KDM5D: variants seen among roughly 807,000 people sequenced by gnomAD.
KDM5D encodes lysine-specific demethylase 5D.
KDM5D carries 25 observed loss-of-function variants against 31.9 expected under a neutral mutation model. The observed-to-expected ratio is 0.78, with a 90% CI of 0.57 to 1.09. The LOEUF (loss-of-function observed/expected upper bound fraction) is 1.09. Among genes scored for constraint, KDM5D ranks in the 50% least tolerant of loss-of-function variants. KDM5D has a pLI of 0.00. For synonymous variants in KDM5D, 146 were observed against 122.3 expected, an observed-to-expected ratio of 1.19 and a Z score of -1.28; for missense variants, 366 against 341.6, an observed-to-expected ratio of 1.07 and a Z score of -0.56.
Position 19,705,076 on chromosome Y carries a change from A to G in KDM5D, c.*919T>C. The G allele has an allele frequency of 2.9e-5, 1 of 34,070 alleles. No homozygotes were observed. Among genetic ancestry groups the G allele is most frequent in the Non-Finnish European group, 7.3e-5 (1 of 13,693 alleles). The allele number at this position is 34,070 out of a possible 400,897, so 8.5% of individuals were successfully genotyped here. A position where few individuals can be genotyped will look rare whatever the true frequency, so the allele number is the denominator to read the frequency against. Reference sequence around the variant, plus strand: ...ATTATAAAGCGACTGTAACCAAGACATTGTGATCTGGCCACAGGGGACAGA... The same window carrying G: ...ATTATAAAGCGACTGTAACCAAGACGTTGTGATCTGGCCACAGGGGACAGA... On this transcript the variant is annotated 3_prime_UTR_variant, in exon 27 of 27. Transcript: ENST00000317961.
chrY:19,719,169 C>CA (rs2045375426), intron 13 of KDM5D, among the ~76,000 whole-genome samples: 162 of 19,207 alleles, frequency 8.4e-3, no homozygotes, highest in African/African-American at 0.028. Flanking sequence ...GACTCCGTCT[C>CA]AAAAAAAAAA....
intron 11 of KDM5D, chrY:19,723,349 C>T (rs2045408530): frequency 1.4e-5 from 1 of 71,789 alleles, no homozygotes; most frequent in African/African-American, 1.1e-4. Flanking sequence ...ACCTGTAATC[C>T]CAACACTTTG....
At chrY:19,708,474 C>A (rs1459644466) in intron 21 of KDM5D, 51 bp from the exon 22 acceptor site, 1 of 273,006 alleles carries the variant, frequency 3.7e-6, no homozygotes, top group Admixed American at 1.0e-4. Flanking sequence ...AATATTGTGT[C>A]TAAATTTGTC....
At position 19,744,716 on chromosome Y, in the gene KDM5D, G is replaced by C. The variant is rs1286309548; in HGVS notation, c.-65C>G. ...TTTACAGCCACCATCTTGACCTCCG[G>C]GCCCTGCAGTGTGGTACGAGCCGTC... On this transcript the variant is annotated 5_prime_UTR_variant, in exon 1 of 27. Transcript: ENST00000317961. 18 of 130,859 alleles carry C rather than the reference G, an allele frequency of 1.4e-4. No homozygotes were observed. The highest frequency in any genetic ancestry group is 2.2e-4 in the Non-Finnish European group (16 of 71,770). The allele number at this position is 130,859 out of a possible 400,897, so 32.6% of individuals were successfully genotyped here. A position where few individuals can be genotyped will look rare whatever the true frequency, so the allele number is the denominator to read the frequency against.
Position 19,735,696 on chromosome Y carries a change from T to G in KDM5D, c.712A>C (p.Ile238Leu). 5.0e-6 allele frequency: 2 copies of G among 398,221 alleles called. No homozygotes were observed. Among genetic ancestry groups the G allele is most frequent in the Middle Eastern group, 5.9e-4 (1 of 1,702 alleles). ...ATCATTTTGGGACCTGGCCCATATA[T>G]CTGTAACTTCTTTAGCTCTGGATGC... Reference protein sequence around the residue: ...EKHPELKKLQIYGPGPKMMGL... With the variant: ...EKHPELKKLQLYGPGPKMMGL... Residue 238 changes from isoleucine (I) to leucine (L), a missense_variant, in exon 7 of 27, where the codon ATA (isoleucine) becomes CTA (leucine). Physicochemically the swap from Ile to Leu is conservative, Grantham distance 5. Transcript: ENST00000317961.
intron 11 of KDM5D, among the ~76,000 whole-genome samples, chrY:19,727,746 G>C (rs2045444167): frequency 3.0e-5 from 1 of 32,941 alleles, no homozygotes; most frequent in South Asian, 6.6e-4. Context: ...GAGGATAAAA[G>C]AAGTATGAGC....
At chrY:19,710,023 T>C in intron 19 of KDM5D, 1 of 343,807 alleles carries the variant, frequency 2.9e-6, no homozygotes, top group Non-Finnish European at 3.9e-6. Flanking sequence ...AATTTCTTTT[T>C]CCAAACCCAC....
intron 5 of KDM5D, 71 bp downstream of exon 5, chrY:19,741,247 T>A (rs765347500): frequency 3.7e-6 from 1 of 272,355 alleles, no homozygotes; most frequent in South Asian, 3.8e-5. Flanking sequence ...AAGAGAAAAG[T>A]CCAATCCAAA....
intron 2 of KDM5D, among the ~76,000 whole-genome samples, chrY:19,743,762 G>A (rs973324106): frequency 2.9e-5 from 1 of 34,032 alleles, no homozygotes; most frequent in Non-Finnish European, 7.3e-5. Flanking sequence ...TATGCTCTGC[G>A]AAAACTTTTT....
At chrY:19,713,530 C>A (rs2045314084) in intron 18 of KDM5D, among the ~76,000 whole-genome samples, 1 of 33,474 alleles carries the variant, frequency 3.0e-5, no homozygotes, top group Non-Finnish European at 7.4e-5. Context: ...ATGCAGCCAA[C>A]AGATATATGA....
chrY:19,726,691 G>A (rs2045437016), intron 11 of KDM5D, among the ~76,000 whole-genome samples: 1 of 32,719 alleles, frequency 3.1e-5, no homozygotes, highest in Admixed American at 2.8e-4. Context: ...CATGCACCCA[G>A]AACTTAATGT....
In KDM5D at chrY:19,715,347, C is replaced by T; in HGVS notation, c.2486+5G>A. On this transcript the variant is annotated splice_donor_5th_base_variant and intron_variant, in intron 18 of 26. Coordinates refer to ENST00000317961, the MANE Select transcript of KDM5D (RefSeq NM_004653.5). The stretch of plus-strand genomic sequence containing the variant: ...CACCCTTCTTTGCCTTCTCCTCTCA[C>T]GTACCTGGCCACCTGACCACTGACC... 2.5e-6 allele frequency: 1 copy of T among 397,392 alleles called. No homozygotes were observed. Among genetic ancestry groups the T allele is most frequent in the Non-Finnish European group, 3.5e-6 (1 of 282,550 alleles).
rs1473741747 is a variant in KDM5D, at chrY:19,707,313, C to T, written c.3833G>A (p.Arg1278His). 5 of 394,851 alleles carry T rather than the reference C, an allele frequency of 1.3e-5. No individual in the cohort carries two copies. Among genetic ancestry groups the T allele is most frequent in the Admixed American group, 7.6e-5 (1 of 13,245 alleles). ...TTCAGAGGCCAGAGCCTTTCTGGCACGGTCTTGCCAGCCAATGGCCCTCTC... is the reference window on the plus strand; with the variant it reads ...TTCAGAGGCCAGAGCCTTTCTGGCATGGTCTTGCCAGCCAATGGCCCTCTC... ...LTERAIGWQD[R>H]ARKALASEDV... Residue 1278 changes from arginine (R) to histidine (H), a missense_variant, in exon 24 of 27, where the codon CGT (arginine) becomes CAT (histidine). By Grantham distance (29) the Arg-to-His change is conservative. Transcript: ENST00000317961.
chrY:19,716,522 A>G (rs764990740), intron 14 of KDM5D, 49 bp from the exon 15 acceptor site: 2 of 389,901 alleles, frequency 5.1e-6, no homozygotes, highest in Admixed American at 7.5e-5. Context: ...ACCACAATGC[A>G]TAGCTTCTCC....
Position 19,720,912 on chromosome Y carries a change from G to C in KDM5D, c.1676C>G (p.Thr559Ser). 1 of 398,103 alleles carries C rather than the reference G, an allele frequency of 2.5e-6. No homozygotes were observed. Among genetic ancestry groups the C allele is most frequent in the Non-Finnish European group, 3.5e-6 (1 of 282,845 alleles). The stretch of plus-strand genomic sequence containing the variant: ...CATCAAAGTGTTGGGATTCATGAGA[G>C]TGACAAGCTGGTGTAGGAGATCAGG... ...SQPDLLHQLVTLMNPNTLMSH... is the reference protein window; with the variant it reads ...SQPDLLHQLVSLMNPNTLMSH... The change falls in exon 13 of 27, where the codon ACT becomes AGT. Residue 559 changes from threonine to serine, a missense_variant. Transcript: ENST00000317961.
At chrY:19,707,811 A>C in intron 23 of KDM5D, 65 bp from the exon 24 acceptor site, 1 of 382,772 alleles carries the variant, frequency 2.6e-6, no homozygotes, top group African/African-American at 6.5e-5. Context: ...CTGGCATCCT[A>C]ATGCCCAGCT....
In KDM5D at chrY:19,731,833, T is replaced by C. The variant is rs2045472537; in HGVS notation, c.1310A>G (p.Lys437Arg). Reference sequence around the variant, plus strand: ...GACAGGAAAGCCACTGCCAAATTCTTTGGAATGAATATCAGCTCCATATTC... The same window carrying C: ...GACAGGAAAGCCACTGCCAAATTCTCTGGAATGAATATCAGCTCCATATTC... ...TVEYGADIHS[K>R]EFGSGFPVSN... The change falls in exon 11 of 27, where the codon AAA becomes AGA. Residue 437 changes from lysine to arginine, a missense_variant. Lys to Arg is a conservative substitution (Grantham distance 26). Transcript: ENST00000317961. The C allele has an allele frequency of 2.5e-6, 1 of 394,411 alleles. No homozygotes were observed. The highest frequency in any genetic ancestry group is 6.4e-5 in the African/African-American group (1 of 15,599).
chrY:19,708,464 A>G (rs1158540802), intron 21 of KDM5D, 41 bp from the exon 22 acceptor site: 1 of 294,469 alleles, frequency 3.4e-6, no homozygotes, highest in East Asian at 1.0e-4. Context: ...TTATGTCAAC[A>G]ATATTGTGTC....
In KDM5D at chrY:19,716,618, A is replaced by G; in HGVS notation, c.1814T>C (p.Val605Ala). 1 of 399,285 alleles carries G rather than the reference A, an allele frequency of 2.5e-6. No individual in the cohort carries two copies. Among genetic ancestry groups the G allele is most frequent in the Non-Finnish European group, 3.5e-6 (1 of 283,503 alleles). ...CACCCAGTCAGCAGTACAAAAGTTGACAGCTTCAGCAAAATTGTAGCCTTG... is the reference window on the plus strand; with the variant it reads ...CACCCAGTCAGCAGTACAAAAGTTGGCAGCTTCAGCAAAATTGTAGCCTTG... ...FNQGYNFAEA[V>A]NFCTADWLPA... The change falls in exon 14 of 27, where the codon GTC becomes GCC. Residue 605 changes from valine to alanine, a missense_variant. Coordinates refer to ENST00000317961, the MANE Select transcript of KDM5D (RefSeq NM_004653.5).
Sources: gnomAD v4.1 joint callset for allele counts (sites outside exome capture counted in the v4.1 genomes callset) on GRCh38, gnomAD v4.1.1 for gene constraint, MANE v1.5 for transcripts, NCBI Gene and HGNC (gene_info 2026-07-23, HGNC 2026-07-21) for gene names.